TBPL1: variants seen among roughly 807,000 people sequenced by gnomAD.
TBPL1 encodes the protein TATA-box binding protein like 1.
A neutral mutation model predicts 22.1 loss-of-function variants in TBPL1; 4 were observed. The observed-to-expected ratio is 0.18, with a 90% CI of 0.09 to 0.41. The LOEUF is 0.41. Ranked by LOEUF, TBPL1 falls within the 10% of genes least tolerant of loss-of-function variation. The probability of loss-of-function intolerance (pLI) is 1.00; values close to 1 mark genes in which losing one functional copy is unlikely to be tolerated. For missense variants in TBPL1, 115 were observed against 222.3 expected (o/e 0.52, Z 3.07); for synonymous variants, 64 against 71.0 (o/e 0.90, Z 0.50).
At chr6:133,967,842 G>C (rs993060066) in intron 1 of TBPL1, among the ~76,000 whole-genome samples, 1 of 152,078 alleles carries the variant, frequency 6.6e-6, no homozygotes, top group Non-Finnish European at 1.5e-5. Context: ...ATCTCAGGTT[G>C]TCCAAGATTT....
At chr6:133,970,391 G>A (rs1776198083) in intron 1 of TBPL1, among the ~76,000 whole-genome samples, 1 of 152,068 alleles carries the variant, frequency 6.6e-6, no homozygotes, top group Non-Finnish European at 1.5e-5. Context: ...CTTTGGTCTG[G>A]ACATTCTTAT....
At chr6:133,979,048 G>C (rs1179264467) in intron 1 of TBPL1, among the ~76,000 whole-genome samples, 1 of 152,106 alleles carries the variant, frequency 6.6e-6, no homozygotes, top group Non-Finnish European at 1.5e-5. Flanking sequence ...GGGCTTGTTT[G>C]TTTGTATAAA....
intron 1 of TBPL1, among the ~76,000 whole-genome samples, chr6:133,963,874 C>CAAA (rs1232594843): frequency 3.2e-5 from 3 of 94,436 alleles, no homozygotes; most frequent in Non-Finnish European, 4.6e-5. Flanking sequence ...ACTAAAAATA[C>CAAA]AAAAAAAAAA....
Position 133,982,884 on chromosome 6 carries a change from A to C in TBPL1, c.282+4A>C, listed in dbSNP as rs760348188. 1.9e-6 allele frequency: 3 copies of C among 1,602,620 alleles called. No individual in the cohort carries two copies. The highest frequency in any genetic ancestry group is 2.5e-6 in the Non-Finnish European group (3 of 1,176,706). ...TCTGCAGAAACTAGGTTTTCAGGTA[A>C]CGTTTTCAAATAGTATCTAAACTAC... On this transcript the variant is annotated splice_donor_region_variant and intron_variant, in intron 4 of 6. Coordinates refer to ENST00000237264, the MANE Select transcript of TBPL1 (RefSeq NM_004865.4).
chr6:133,972,149 T>A (rs890043329), intron 1 of TBPL1, among the ~76,000 whole-genome samples: 1 of 152,216 alleles, frequency 6.6e-6, no homozygotes, highest in East Asian at 1.9e-4. Context: ...CAGTGAAAGA[T>A]TTTAAAGTTA....
intron 2 of TBPL1, 42 bp from the exon 3 acceptor site, chr6:133,982,526 A>C (rs548879180): frequency 6.4e-7 from 1 of 1,568,072 alleles, no homozygotes; most frequent in Admixed American, 1.8e-5. Flanking sequence ...CCTTATGTGA[A>C]AAATAATGCT....
At chr6:133,972,687 T>C (rs1440408321) in intron 1 of TBPL1, among the ~76,000 whole-genome samples, 1 of 151,546 alleles carries the variant, frequency 6.6e-6, no homozygotes, top group Non-Finnish European at 1.5e-5. Flanking sequence ...GGTGTTTGTT[T>C]GTTTGTTTGT....
At chr6:133,986,591 A>G (rs1776529847) in intron 6 of TBPL1, among the ~76,000 whole-genome samples, 1 of 152,192 alleles carries the variant, frequency 6.6e-6, no homozygotes, top group Non-Finnish European at 1.5e-5. Context: ...CCTCTGTTGT[A>G]GCCTAACCAG....
intron 1 of TBPL1, among the ~76,000 whole-genome samples, chr6:133,974,188 T>G (rs1214780880): frequency 2.6e-5 from 4 of 152,208 alleles, no homozygotes; most frequent in Non-Finnish European, 4.4e-5. Flanking sequence ...TCTCTACATC[T>G]GTCTAGCTTT....
In TBPL1 at chr6:133,979,385, G is replaced by A. The variant is rs77663199; in HGVS notation, c.-44-697G>A. Among the ~76,000 whole-genome samples the A allele has an allele frequency of 1.7e-3, 259 of 152,254 alleles. 8 individuals carry two copies. The East Asian group carries it at 0.041, about 24-fold the overall frequency. On this transcript the variant is annotated intron_variant, in intron 1 of 6. Transcript: ENST00000237264. ...AGTACCAGCAAGTTGCATGAGAAGG[G>A]TTATATGCCACTAATGGTTAGACAT...
At chr6:133,980,513 T>G (rs1776390200) in intron 2 of TBPL1, among the ~76,000 whole-genome samples, 1 of 152,152 alleles carries the variant, frequency 6.6e-6, no homozygotes, top group South Asian at 2.1e-4. Context: ...TCTCTCAATT[T>G]ATTTTAACTG....
At chr6:133,966,785 G>A (rs1172937844) in intron 1 of TBPL1, among the ~76,000 whole-genome samples, 2 of 149,466 alleles carry the variant, frequency 1.3e-5, no homozygotes, top group East Asian at 1.9e-4. Context: ...TCTTAAAACT[G>A]CCTGTCTTGT....
In TBPL1 at chr6:133,984,429, A is replaced by G. The variant is rs756380494; in HGVS notation, c.336A>G (p.Pro112=). Residue 112 remains proline (P), a synonymous_variant, in exon 5 of 7, where the codon CCA becomes CCG. Coordinates refer to ENST00000237264, the MANE Select transcript of TBPL1 (RefSeq NM_004865.4). ...VVNVLAVCNM[P]FEIRLPEFTK... The stretch of plus-strand genomic sequence containing the variant: ...ACGTTCTGGCAGTGTGTAACATGCC[A>G]TTTGAAATCCGTTTGCCAGAATTCA... The G allele has an allele frequency of 1.9e-6, 3 of 1,613,746 alleles. No homozygotes were observed. The highest frequency in any genetic ancestry group is 1.7e-5 in the Admixed American group (1 of 59,996).
intron 1 of TBPL1, among the ~76,000 whole-genome samples, chr6:133,979,856 A>C (rs1034312156): frequency 2.0e-5 from 3 of 152,282 alleles, no homozygotes; most frequent in East Asian, 3.9e-4. Flanking sequence ...TATGTTGGCC[A>C]GTCTGGTTTT....
At chr6:133,966,778 T>C (rs1776126900) in intron 1 of TBPL1, among the ~76,000 whole-genome samples, 1 of 151,370 alleles carries the variant, frequency 6.6e-6, no homozygotes, top group Non-Finnish European at 1.5e-5. Context: ...CTCTATCTCT[T>C]AAAACTGCCT....
At chr6:133,959,838 G>C (rs558925329) in intron 1 of TBPL1, among the ~76,000 whole-genome samples, 2 of 152,290 alleles carry the variant, frequency 1.3e-5, no homozygotes, top group South Asian at 4.1e-4. Flanking sequence ...CTGTCTTTCA[G>C]ATATGAACAT....
At chr6:133,975,365 A>T (rs1776295867) in intron 1 of TBPL1, among the ~76,000 whole-genome samples, 1 of 151,454 alleles carries the variant, frequency 6.6e-6, no homozygotes. Context: ...CAGAGACATG[A>T]ATTATTTTAA....
chr6:133,953,162 C>A (rs1210136628), upstream of TBPL1: 1 of 152,622 alleles, frequency 6.6e-6, no homozygotes, highest in African/African-American at 2.4e-5. Context: ...CTAGCCCTCG[C>A]GCACTGTCTC....
At chr6:133,985,311 T>A (rs1360648296) in intron 6 of TBPL1, among the ~76,000 whole-genome samples, 5,979 of 29,870 alleles carry the variant, frequency 0.2, 1,510 homozygotes, top group African/African-American at 0.29. Flanking sequence ...TATATATATA[T>A]ATATATATAT....
Sources: gnomAD v4.1 joint callset for allele counts (sites outside exome capture counted in the v4.1 genomes callset) on GRCh38, gnomAD v4.1.1 for gene constraint, MANE v1.5 for transcripts, NCBI Gene and HGNC (gene_info 2026-07-23, HGNC 2026-07-21) for gene names.